The following RPE65 variants were observed in gnomAD, a reference collection of about 807,000 sequenced individuals.
RPE65 encodes the protein retinoid isomerohydrolase RPE65, also known as retinoid isomerohydrolase.
Under a neutral mutation model 68.5 loss-of-function variants are expected in RPE65, and 58 were observed. That is an observed-to-expected ratio of 0.85 (90% CI 0.69 to 1.05). RPE65 has a LOEUF of 1.05. Among genes scored for constraint, RPE65 ranks in the 50% least tolerant of loss-of-function variants. RPE65 has a pLI of 0.00. For missense variants in RPE65, 643 were observed against 629.9 expected, an observed-to-expected ratio of 1.02 and a Z score of -0.22; for synonymous variants, 220 against 222.2, an observed-to-expected ratio of 0.99 and a Z score of 0.09.
chr1:68,447,816 C>T lies in RPE65; in HGVS notation c.94+808G>A, dbSNP rs536319403. ...AGTGAGCTGAGATCATCCCACTGCA[C>T]TCCAGCCTGGGCGACTGAGCGAGAC... is the stretch of plus-strand genomic sequence containing the variant. On this transcript the variant is annotated intron_variant, in intron 2 of 13. Coordinates refer to ENST00000262340, the MANE Select transcript of RPE65 (RefSeq NM_000329.3). Among the ~76,000 whole-genome samples, 12 of 152,232 alleles carry T rather than the reference C, an allele frequency of 7.9e-5. No individual in the cohort carries two copies. The East Asian group carries it at 1.9e-3, about 25-fold the overall frequency.
chr1:68,436,171 C>T (rs946324822), intron 10 of RPE65, among the ~76,000 whole-genome samples: 2 of 152,046 alleles, frequency 1.3e-5, no homozygotes, highest in Admixed American at 6.5e-5. Flanking sequence ...CCATTATTAG[C>T]GAAGTAAGAG....
Position 68,439,305 on chromosome 1 carries a change from G to A in RPE65, c.744C>T (p.Asn248=), listed in dbSNP as rs1343005273. 1.9e-6 allele frequency: 3 copies of A among 1,613,780 alleles called. No individual in the cohort carries two copies. In the South Asian group the frequency reaches 3.3e-5, roughly 18 times the overall value. Residue 248 remains asparagine (N), a synonymous_variant, in exon 8 of 14, where the codon AAC becomes AAT. Coordinates refer to ENST00000262340, the MANE Select transcript of RPE65 (RefSeq NM_000329.3). ...CTGGTGTCTCCACAAAAACGATATA[G>A]TTGGGAGTCAGACCAAAACTGTTCA... ...SYVHSFGLTP[N]YIVFVETPVK... is the part of the protein sequence containing the mutation.
intron 5 of RPE65, among the ~76,000 whole-genome samples, chr1:68,443,566 C>T (rs750545869): frequency 6.6e-6 from 1 of 152,214 alleles, no homozygotes; most frequent in Non-Finnish European, 1.5e-5. Context: ...TCATCCCTCT[C>T]TTTTAACTTC....
intron 2 of RPE65, among the ~76,000 whole-genome samples, 189 bp downstream of exon 2, chr1:68,448,435 T>G (rs1645957763): frequency 6.6e-6 from 1 of 152,204 alleles, no homozygotes; most frequent in Non-Finnish European, 1.5e-5. Context: ...GGTAGCGTTT[T>G]TCTGCATTAG....
Position 68,438,218 on chromosome 1 carries a change from C to T in RPE65, c.1097G>A (p.Arg366Lys). The stretch of plus-strand genomic sequence containing the variant: ...AATATTCAAAGGAAGTACATATCTC[C>T]TAACTTCAGGTTGGGGAGCCTTTCT... ...NARKAPQPEV[R>K]RYVLPLNIDK... The change falls in exon 10 of 14, where the codon AGG (arginine) becomes AAG (lysine). Residue 366 changes from arginine to lysine, a missense_variant. By Grantham distance (26) the Arg-to-Lys change is conservative (BLOSUM62 2). Transcript: ENST00000262340. 6.2e-7 allele frequency: 1 copy of T among 1,613,976 alleles called. No individual in the cohort carries two copies. The highest frequency in any genetic ancestry group is 8.5e-7 in the Non-Finnish European group (1 of 1,179,942).
At chr1:68,441,072 G>A (rs1645899336) in intron 5 of RPE65, 72 bp from the exon 6 acceptor site, 1 of 1,544,618 alleles carries the variant, frequency 6.5e-7, no homozygotes, top group Non-Finnish European at 8.9e-7. Context: ...CTAGGTCTGA[G>A]GTCATCACTA....
intron 3 of RPE65, among the ~76,000 whole-genome samples, chr1:68,445,955 G>T (rs931665638): frequency 6.6e-6 from 1 of 151,860 alleles, no homozygotes; most frequent in South Asian, 2.1e-4. Context: ...AAGTTGTCCT[G>T]CTTCAAGTCC....
In RPE65 at chr1:68,439,237, C is replaced by A; in HGVS notation, c.812G>T (p.Trp271Leu). Reference sequence around the variant, plus strand: ...AAAACAATCCATGTAGTTGGCTCCCCAAAGACTCCATGAAGAAAGGAACTT... The same window carrying A: ...AAAACAATCCATGTAGTTGGCTCCCAAAAGACTCCATGAAGAAAGGAACTT... ...LFKFLSSWSL[W>L]GANYMDCFES... Residue 271 changes from tryptophan to leucine, a missense_variant, in exon 8 of 14, where the codon TGG becomes TTG. Transcript: ENST00000262340. 6.2e-7 allele frequency: 1 copy of A among 1,614,012 alleles called. No homozygotes were observed.
intron 6 of RPE65, among the ~76,000 whole-genome samples, chr1:68,440,461 C>G (rs929785291): frequency 1.3e-5 from 2 of 152,122 alleles, no homozygotes; most frequent in Non-Finnish European, 2.9e-5. Flanking sequence ...TTAGTACACT[C>G]TCATATATGT....
intron 10 of RPE65, 60 bp from the exon 11 acceptor site, chr1:68,431,645 G>T (rs992390025): frequency 2.1e-6 from 3 of 1,415,476 alleles, no homozygotes; most frequent in African/African-American, 1.4e-5. Context: ...AGCCAGAAAT[G>T]CAGAGTTCTT....
At chr1:68,435,027 A>G (rs1050138798) in intron 10 of RPE65, among the ~76,000 whole-genome samples, 2 of 152,144 alleles carry the variant, frequency 1.3e-5, no homozygotes, top group African/African-American at 2.4e-5. Flanking sequence ...CTCTCACTCT[A>G]TTCCCTTAGA....
At chr1:68,440,724 T>A in intron 6 of RPE65, 129 bp downstream of exon 6, 1 of 1,216,810 alleles carries the variant, frequency 8.2e-7, no homozygotes, top group Non-Finnish European at 1.2e-6. Context: ...AGGGCAGTAC[T>A]TCTGAAGTCT....
At chr1:68,437,045 C>T (rs1346434118) in intron 10 of RPE65, among the ~76,000 whole-genome samples, 1 of 152,206 alleles carries the variant, frequency 6.6e-6, no homozygotes, top group Non-Finnish European at 1.5e-5. Context: ...GCTCTAGACT[C>T]TCCACTTTCC....
intron 6 of RPE65, among the ~76,000 whole-genome samples, chr1:68,440,281 G>A (rs1433928821): frequency 1.3e-5 from 2 of 152,160 alleles, no homozygotes; most frequent in African/African-American, 4.8e-5. Flanking sequence ...ACAAAAATCT[G>A]TATACATTCA....
intron 5 of RPE65, among the ~76,000 whole-genome samples, chr1:68,442,764 G>A (rs1181585088): frequency 6.6e-6 from 1 of 152,102 alleles, no homozygotes; most frequent in Non-Finnish European, 1.5e-5. Context: ...TCAAATGAAT[G>A]ATTTAGAAAC....
intron 6 of RPE65, 58 bp downstream of exon 6, chr1:68,440,795 G>A (rs1424865318): frequency 6.3e-7 from 1 of 1,593,394 alleles, no homozygotes; most frequent in East Asian, 2.2e-5. Flanking sequence ...TCACAATACA[G>A]TAACTTTCTC....
intron 5 of RPE65, among the ~76,000 whole-genome samples, chr1:68,443,102 T>C (rs1330166709): frequency 2.7e-5 from 4 of 150,432 alleles, no homozygotes; most frequent in African/African-American, 9.9e-5. Context: ...ATACTACTTC[T>C]TTGAGCAAAA....
chr1:68,439,430 C>G, intron 7 of RPE65, 107 bp from the exon 8 acceptor site: 1 of 1,555,932 alleles, frequency 6.4e-7, no homozygotes. Flanking sequence ...ACAGTGCCTA[C>G]ATGAAATTAA....
intron 10 of RPE65, 39 bp downstream of exon 10, chr1:68,438,148 A>T (rs1366833083): frequency 6.2e-7 from 1 of 1,612,372 alleles, no homozygotes; most frequent in Admixed American, 1.7e-5. Context: ...GAGATGAAAC[A>T]TTCTGGTTAA....
Sources: gnomAD v4.1 joint callset for allele counts (sites outside exome capture counted in the v4.1 genomes callset) on GRCh38, gnomAD v4.1.1 for gene constraint, MANE v1.5 for transcripts, NCBI Gene and HGNC (gene_info 2026-07-23, HGNC 2026-07-21) for gene names.